Variants in HIBADH observed in about 807,000 individuals in gnomAD.
HIBADH encodes the protein 3-hydroxyisobutyrate dehydrogenase, mitochondrial.
In HIBADH, 25 loss-of-function variants were observed where a neutral mutation model predicts 36.1. The ratio of observed to expected loss-of-function variants is 0.69; its 90% CI spans 0.50 to 0.97. The LOEUF (loss-of-function observed/expected upper bound fraction) is 0.97, where lower values mean the gene tolerates loss of function less well. Among genes scored for constraint, HIBADH ranks in the 50% least tolerant of loss-of-function variants. HIBADH has a pLI of 0.00. For synonymous variants in HIBADH, 160 were observed against 149.5 expected (o/e 1.07, Z -0.51); for missense variants, 421 against 418.0 (o/e 1.01, Z -0.06).
At chr7:27,653,685 T>C (rs12111584) in intron 1 of HIBADH, among the ~76,000 whole-genome samples, 114,245 of 150,684 alleles carry the variant, frequency 0.76, 43,696 homozygotes, top group East Asian at 0.95. Context: ...TGCAGTGAGC[T>C]GAGATCGCAC....
At chr7:27,593,955 G>A (rs1036684349) in intron 4 of HIBADH, among the ~76,000 whole-genome samples, 15 of 150,854 alleles carry the variant, frequency 9.9e-5, no homozygotes, top group African/African-American at 2.7e-4. Flanking sequence ...CCCGGGAGGC[G>A]GAGCTTGCAG....
intron 4 of HIBADH, among the ~76,000 whole-genome samples, chr7:27,608,669 C>T (rs1328046152): frequency 6.6e-6 from 1 of 152,140 alleles, no homozygotes. Flanking sequence ...ATAGAGTATA[C>T]TGGAACTAGT....
At position 27,656,005 on chromosome 7, in the gene HIBADH, C is replaced by T. The variant is rs75708113; in HGVS notation, c.92-6372G>A. ...AATTTAAATTTAAAACATGCATACT[C>T]TTTGACCTAGCAATTCCATTTCTAA... On this transcript the variant is annotated intron_variant, in intron 1 of 7. Transcript: ENST00000265395. Among the ~76,000 whole-genome samples, 1,362 of 152,202 alleles carry T rather than the reference C, an allele frequency of 8.9e-3. 20 individuals are homozygous for T. Among genetic ancestry groups the T allele is most frequent in the African/African-American group, 0.031 (1,293 of 41,516 alleles).
At chr7:27,638,308 CAAAA>C (rs368715218) in intron 2 of HIBADH, among the ~76,000 whole-genome samples, 2,194 of 55,468 alleles carry the variant, frequency 0.04, 27 homozygotes, top group South Asian at 0.17. Flanking sequence ...TTGGCAAAGT[CAAAA>C]AAAAAAAAAA....
At chr7:27,595,680 T>C (rs1031232688) in intron 4 of HIBADH, among the ~76,000 whole-genome samples, 6 of 151,692 alleles carry the variant, frequency 4.0e-5, no homozygotes, top group African/African-American at 4.8e-5. Flanking sequence ...ATAATATTTA[T>C]TGAATAAATG....
Position 27,632,442 on chromosome 7 carries a change from C to T in HIBADH, c.256G>A (p.Val86Ile), listed in dbSNP as rs1471774732. 2 of 1,609,318 alleles carry T rather than the reference C, an allele frequency of 1.2e-6. No homozygotes were observed. The highest frequency in any genetic ancestry group is 1.7e-6 in the Non-Finnish European group (2 of 1,176,214). The change falls in exon 3 of 8, where the codon GTA becomes ATA. Residue 86 changes from valine (V) to isoleucine (I), a missense_variant. Val to Ile is a conservative substitution (Grantham distance 29). Coordinates refer to ENST00000265395, the MANE Select transcript of HIBADH (RefSeq NM_152740.4). Reference protein sequence around the residue: ...KEFQDAGEQVVSSPADVAEKA... With the variant: ...KEFQDAGEQVISSPADVAEKA... ...TCAGCAACATCTGCTGGGGAAGATA[C>T]TACCTTTAAAAAAAATTGCAAAGGC...
intron 1 of HIBADH, 75 bp downstream of exon 1, chr7:27,662,623 A>G: frequency 2.1e-6 from 2 of 966,436 alleles, no homozygotes; most frequent in Non-Finnish European, 2.8e-6. Context: ...CCGAGAAAAG[A>G]CTTCTTCGGC....
intron 6 of HIBADH, among the ~76,000 whole-genome samples, chr7:27,537,184 C>T (rs1488883088): frequency 6.6e-6 from 1 of 152,152 alleles, no homozygotes; most frequent in Admixed American, 6.6e-5. Context: ...TACAGACATG[C>T]TTTACCATCT....
At chr7:27,542,436 C>A (rs1784165304) in intron 5 of HIBADH, among the ~76,000 whole-genome samples, 1 of 138,424 alleles carries the variant, frequency 7.2e-6, no homozygotes, top group Admixed American at 8.0e-5. Flanking sequence ...ATTTTTTTTC[C>A]CGTTTTTTTT....
At chr7:27,641,170 T>C (rs747043611) in intron 2 of HIBADH, among the ~76,000 whole-genome samples, 9 of 151,280 alleles carry the variant, frequency 5.9e-5, no homozygotes, top group African/African-American at 7.3e-5. Context: ...TCCCCAACTC[T>C]TCCAATACAT....
intron 4 of HIBADH, among the ~76,000 whole-genome samples, chr7:27,593,583 A>C (rs1784979116): frequency 6.6e-6 from 1 of 152,238 alleles, no homozygotes; most frequent in Admixed American, 6.5e-5. Context: ...ACTCAATAAA[A>C]GCATTTTCAT....
chr7:27,564,162 T>G (rs1784506020), intron 4 of HIBADH, among the ~76,000 whole-genome samples: 1 of 152,228 alleles, frequency 6.6e-6, no homozygotes, highest in Non-Finnish European at 1.5e-5. Flanking sequence ...CCTCCCAAAG[T>G]GCTGGGATTA....
chr7:27,631,200 G>A (rs1785740477), intron 3 of HIBADH, among the ~76,000 whole-genome samples: 1 of 152,154 alleles, frequency 6.6e-6, no homozygotes, highest in African/African-American at 2.4e-5. Context: ...AGGTAAAGCA[G>A]GACCATAACT....
chr7:27,624,742 T>A (rs1434203498), intron 4 of HIBADH, among the ~76,000 whole-genome samples: 1 of 152,244 alleles, frequency 6.6e-6, no homozygotes, highest in Non-Finnish European at 1.5e-5. Context: ...CTGCCCCTGA[T>A]CAACAGTATG....
rs190292917 is a variant in HIBADH, at chr7:27,570,630, T to C, written c.485-27530A>G. 3.0e-3 allele frequency among the ~76,000 whole-genome samples: 460 copies of C among 152,040 alleles called. 2 individuals are homozygous for C. The highest frequency in any genetic ancestry group is 5.3e-3 in the Non-Finnish European group (360 of 67,980). ...ATGACGGTTACACGACTATATATAG[T>C]TGTCCAAATTCATCAATCTCTACAC... On this transcript the variant is annotated intron_variant, in intron 4 of 7. Coordinates refer to ENST00000265395, the MANE Select transcript of HIBADH (RefSeq NM_152740.4).
chr7:27,638,682 T>C (rs776238570), intron 2 of HIBADH, among the ~76,000 whole-genome samples: 62 of 151,348 alleles, frequency 4.1e-4, no homozygotes, highest in Non-Finnish European at 6.9e-4. Context: ...GAGAAAATGT[T>C]TGCAAACTAT....
intron 4 of HIBADH, among the ~76,000 whole-genome samples, chr7:27,613,656 GT>G (rs769054200): frequency 1.7e-5 from 1 of 60,186 alleles, no homozygotes; most frequent in East Asian, 1.8e-3. Context: ...GTTGTTGTGG[GT>G]TTTTTTTGTT....
In HIBADH at chr7:27,526,289, C is replaced by A. The variant is rs1783895112; in HGVS notation, c.936G>T (p.Met312Ile). The change falls in exon 8 of 8, where the codon ATG becomes ATT. Residue 312 changes from methionine (M) to isoleucine (I), a missense_variant. By Grantham distance (10) the Met-to-Ile change is conservative (BLOSUM62 1). Transcript: ENST00000265395. ...TCTTTGAGTAGCCCTTTGCACACAT[C>A]ATCCTGTAGATCTGATGGGCCAGAC... ...LGSLAHQIYRMMCAKGYSKKD... is the reference protein window; with the variant it reads ...LGSLAHQIYRIMCAKGYSKKD... 2 of 1,613,776 alleles carry A rather than the reference C, an allele frequency of 1.2e-6. No individual in the cohort carries two copies. Among genetic ancestry groups the A allele is most frequent in the African/African-American group, 1.3e-5 (1 of 75,012 alleles).
chr7:27,581,947 T>G (rs775275558), intron 4 of HIBADH, among the ~76,000 whole-genome samples: 1 of 152,102 alleles, frequency 6.6e-6, no homozygotes, highest in Non-Finnish European at 1.5e-5. Context: ...AGTCCCCAAC[T>G]TCATTTAAAG....
Sources: allele counts gnomAD v4.1 joint callset (sites outside exome capture counted in the v4.1 genomes callset), GRCh38; gene constraint gnomAD v4.1.1; transcripts MANE v1.5; gene names NCBI Gene and HGNC (gene_info 2026-07-23, HGNC 2026-07-21).